AUTS2: variants seen among roughly 807,000 people sequenced by gnomAD.
AUTS2 encodes autism susceptibility gene 2 protein.
AUTS2 carries 17 observed loss-of-function variants against 112.4 expected under a neutral mutation model. That is an observed-to-expected ratio of 0.15 (90% confidence interval 0.10 to 0.23). The LOEUF is 0.23. AUTS2 is among the 10% of genes least tolerant of loss of function. The pLI is 1.00. For missense variants in AUTS2, 1,510 were observed against 1,701.6 expected (o/e 0.89, Z 1.98); for synonymous variants, 751 against 702.7 (o/e 1.07, Z -1.09).
intron 1 of AUTS2, among the ~76,000 whole-genome samples, chr7:69,747,170 C>G (rs1013462299): frequency 1.3e-5 from 2 of 152,184 alleles, no homozygotes; most frequent in African/African-American, 4.8e-5. Flanking sequence ...CAAGAATTTG[C>G]ATTATTTACA....
intron 2 of AUTS2, among the ~76,000 whole-genome samples, chr7:69,963,936 A>G (rs1023507464): frequency 6.6e-6 from 1 of 152,134 alleles, no homozygotes; most frequent in African/African-American, 2.4e-5. Context: ...ATGCTTTAAA[A>G]AGAACAAAAA....
At chr7:70,419,373 T>G (rs1795118073) in intron 4 of AUTS2, among the ~76,000 whole-genome samples, 1 of 149,992 alleles carries the variant, frequency 6.7e-6, no homozygotes, top group South Asian at 2.1e-4. Context: ...ACAAGTTGCT[T>G]CATGTCTTTA....
intron 2 of AUTS2, among the ~76,000 whole-genome samples, chr7:69,965,960 T>G (rs913210845): frequency 6.6e-6 from 1 of 152,162 alleles, no homozygotes; most frequent in African/African-American, 2.4e-5. Context: ...TCTTCAAAAT[T>G]ATTACAGGGA....
chr7:70,235,628 C>T lies in AUTS2; in HGVS notation c.660+101057C>T, dbSNP rs1009191178. ...ATGAAAGCAGGATACCTATCTTCCA[C>T]CCCTGTGTTTTTCTTTTTTCTTTTC... On this transcript the variant is annotated intron_variant, in intron 4 of 18. Coordinates refer to ENST00000342771, the MANE Select transcript of AUTS2 (RefSeq NM_015570.4). Among the ~76,000 whole-genome samples the T allele has an allele frequency of 8.6e-5, 13 of 151,936 alleles. 1 individual carries two copies. Among genetic ancestry groups the T allele is most frequent in the Non-Finnish European group, 1.3e-4 (9 of 67,978 alleles).
At position 69,930,876 on chromosome 7, in the gene AUTS2, A is replaced by G. The variant is rs546691344; in HGVS notation, c.522+31378A>G. Among the ~76,000 whole-genome samples, 15 of 152,236 alleles carry G rather than the reference A, an allele frequency of 9.9e-5. 1 individual carries two copies. Among genetic ancestry groups the G allele is most frequent in the African/African-American group, 3.6e-4 (15 of 41,544 alleles). Reference sequence around the variant, plus strand: ...GTAAAATCATTGGAATGGAGGGAATATTGTCAGAATAGTTATAAGTTTTGG... The same window carrying G: ...GTAAAATCATTGGAATGGAGGGAATGTTGTCAGAATAGTTATAAGTTTTGG... On this transcript the variant is annotated intron_variant, in intron 2 of 18. Transcript: ENST00000342771.
At chr7:69,606,837 G>T (rs1024366072) in intron 1 of AUTS2, among the ~76,000 whole-genome samples, 3 of 152,208 alleles carry the variant, frequency 2.0e-5, no homozygotes, top group Non-Finnish European at 2.9e-5. Context: ...ATCAGAACCT[G>T]TTCCATGAAT....
At chr7:70,197,584 C>T (rs1810256407) in intron 4 of AUTS2, among the ~76,000 whole-genome samples, 1 of 98,948 alleles carries the variant, frequency 1.0e-5, no homozygotes, top group Admixed American at 1.1e-4. Context: ...GGGTGACGGA[C>T]GCACCTGGAA....
chr7:70,206,792 T>A (rs1354702802), intron 4 of AUTS2, among the ~76,000 whole-genome samples: 1 of 152,200 alleles, frequency 6.6e-6, no homozygotes, highest in Non-Finnish European at 1.5e-5. Context: ...GATCTGGGAC[T>A]TGGGTAAATA....
At chr7:69,933,433 T>G (rs1405412478) in intron 2 of AUTS2, among the ~76,000 whole-genome samples, 1 of 152,204 alleles carries the variant, frequency 6.6e-6, no homozygotes, top group East Asian at 1.9e-4. Flanking sequence ...TAGGTCAGTG[T>G]CATTTGGTTT....
intron 5 of AUTS2, among the ~76,000 whole-genome samples, chr7:70,649,271 A>T (rs1262457206): frequency 6.6e-6 from 1 of 152,094 alleles, no homozygotes; most frequent in Non-Finnish European, 1.5e-5. Flanking sequence ...CCCATGGAGC[A>T]TGTCTGTGGT....
intron 1 of AUTS2, among the ~76,000 whole-genome samples, chr7:69,845,758 C>T (rs1037641782): frequency 2.0e-5 from 3 of 152,098 alleles, no homozygotes; most frequent in Non-Finnish European, 4.4e-5. Context: ...GGAGGTGAGA[C>T]GAGTTTGTCA....
chr7:70,372,360 A>G (rs1792877164), intron 4 of AUTS2, among the ~76,000 whole-genome samples: 1 of 152,148 alleles, frequency 6.6e-6, no homozygotes, highest in Non-Finnish European at 1.5e-5. Context: ...GGGAACCCGT[A>G]TTTTTGTCTT....
chr7:70,494,922 G>A (rs994821501), intron 5 of AUTS2, among the ~76,000 whole-genome samples: 7 of 152,214 alleles, frequency 4.6e-5, no homozygotes, highest in African/African-American at 1.2e-4. Flanking sequence ...AGAGTTAGGT[G>A]TGGAGAGATT....
At chr7:70,155,804 C>T (rs1584801404) in intron 4 of AUTS2, among the ~76,000 whole-genome samples, 1 of 152,232 alleles carries the variant, frequency 6.6e-6, no homozygotes, top group Non-Finnish European at 1.5e-5. Flanking sequence ...GAAAAAAGGA[C>T]TGGCCACTAT....
intron 2 of AUTS2, among the ~76,000 whole-genome samples, chr7:70,051,044 C>T (rs1163927257): frequency 3.9e-5 from 6 of 152,192 alleles, no homozygotes; most frequent in African/African-American, 7.2e-5. Flanking sequence ...GAAGCTCCTC[C>T]GCCTTCCCCT....
chr7:70,054,556 G>C (rs533546218), intron 2 of AUTS2, among the ~76,000 whole-genome samples: 1 of 152,140 alleles, frequency 6.6e-6, no homozygotes, highest in South Asian at 2.1e-4. Context: ...CTGATATACT[G>C]GTTACTTAAT....
chr7:69,982,347 C>A (rs1265417093), intron 2 of AUTS2, among the ~76,000 whole-genome samples: 3 of 152,130 alleles, frequency 2.0e-5, no homozygotes, highest in African/African-American at 7.2e-5. Flanking sequence ...ACTGTAAAAT[C>A]CTCAGCTGTG....
chr7:69,728,206 A>C (rs982548141), intron 1 of AUTS2, among the ~76,000 whole-genome samples: 5 of 152,220 alleles, frequency 3.3e-5, no homozygotes, highest in African/African-American at 1.2e-4. Flanking sequence ...AAGGTAGTAG[A>C]GTTCCCTCTC....
At chr7:70,380,554 G>C (rs188665775) in intron 4 of AUTS2, among the ~76,000 whole-genome samples, 2 of 152,318 alleles carry the variant, frequency 1.3e-5, no homozygotes, top group East Asian at 3.9e-4. Flanking sequence ...GCTTATGACT[G>C]GGAAGCCTGC....
Sources: allele counts gnomAD v4.1 joint callset (sites outside exome capture counted in the v4.1 genomes callset), GRCh38; gene constraint gnomAD v4.1.1; transcripts MANE v1.5; gene names NCBI Gene and HGNC (gene_info 2026-07-23, HGNC 2026-07-21).